Variants in PAK5 observed in about 807,000 individuals in gnomAD.
The protein encoded by PAK5 is p21 (RAC1) activated kinase 5.
A neutral mutation model predicts 65.9 loss-of-function variants in PAK5; 16 were observed. The ratio of observed to expected loss-of-function variants is 0.24; its 90% CI spans 0.16 to 0.37. PAK5 has a LOEUF of 0.37. Among genes scored for constraint, PAK5 ranks in the 10% least tolerant of loss-of-function variants. PAK5 has a pLI of 1.00. For missense variants in PAK5, 785 were observed against 903.9 expected (o/e 0.87, Z 1.69); for synonymous variants, 371 against 354.9 (o/e 1.05, Z -0.51).
intron 2 of PAK5, among the ~76,000 whole-genome samples, chr20:9,683,257 C>T (rs900040160): frequency 2.0e-5 from 3 of 152,188 alleles, no homozygotes; most frequent in Non-Finnish European, 4.4e-5. Flanking sequence ...GCCCCACAGT[C>T]GGTGAATAAT....
intron 7 of PAK5, among the ~76,000 whole-genome samples, chr20:9,557,277 A>T (rs1446837589): frequency 6.6e-6 from 1 of 152,184 alleles, no homozygotes. Context: ...TCATGTGAAT[A>T]GGTTGGATGC....
intron 3 of PAK5, among the ~76,000 whole-genome samples, chr20:9,631,932 A>G (rs994567948): frequency 6.6e-6 from 1 of 152,154 alleles, no homozygotes; most frequent in African/African-American, 2.4e-5. Flanking sequence ...ACACAATAAA[A>G]CACTAAAAAG....
At chr20:9,542,042 T>C (rs570031041) in intron 9 of PAK5, among the ~76,000 whole-genome samples, 1 of 152,344 alleles carries the variant, frequency 6.6e-6, no homozygotes, top group South Asian at 2.1e-4. Flanking sequence ...TATTTCTTTA[T>C]AGTAGTGTAA....
intron 3 of PAK5, among the ~76,000 whole-genome samples, chr20:9,629,198 G>A (rs1000726333): frequency 2.0e-5 from 3 of 152,190 alleles, no homozygotes; most frequent in Non-Finnish European, 4.4e-5. Context: ...CAGTGAAGCT[G>A]TGCCAGACTC....
intron 1 of PAK5, among the ~76,000 whole-genome samples, chr20:9,808,596 A>T (rs1181304688): frequency 1.3e-5 from 2 of 152,226 alleles, no homozygotes; most frequent in Non-Finnish European, 2.9e-5. Context: ...CCTTGAAAAC[A>T]TTATGCTAAG....
At chr20:9,606,290 C>A (rs149467295) in intron 3 of PAK5, among the ~76,000 whole-genome samples, 1 of 152,130 alleles carries the variant, frequency 6.6e-6, no homozygotes, top group Non-Finnish European at 1.5e-5. Context: ...CTGCCTTCCC[C>A]GATGATTGTA....
intron 4 of PAK5, among the ~76,000 whole-genome samples, chr20:9,568,955 G>A (rs1195667855): frequency 6.6e-6 from 1 of 152,208 alleles, no homozygotes; most frequent in African/African-American, 2.4e-5. Context: ...GAGCCATTCT[G>A]GAGGTGGATC....
chr20:9,698,651 T>A (rs187973205), intron 2 of PAK5, among the ~76,000 whole-genome samples: 28 of 152,264 alleles, frequency 1.8e-4, no homozygotes, highest in Admixed American at 1.4e-3. Context: ...CATACCAAAC[T>A]TAAGGAACAG....
intron 7 of PAK5, among the ~76,000 whole-genome samples, chr20:9,553,748 G>A (rs190797123): frequency 3.9e-4 from 60 of 152,054 alleles, no homozygotes; most frequent in Non-Finnish European, 2.5e-4. Flanking sequence ...TTAATCATTC[G>A]CCCTTTGAAG....
At chr20:9,833,522 C>A (rs917878248) in intron 1 of PAK5, among the ~76,000 whole-genome samples, 6 of 151,522 alleles carry the variant, frequency 4.0e-5, no homozygotes, top group African/African-American at 1.5e-4. Context: ...AACTTCCCCC[C>A]ACCTTTACCA....
intron 2 of PAK5, among the ~76,000 whole-genome samples, chr20:9,708,029 T>A (rs1316022137): frequency 2.0e-5 from 3 of 152,228 alleles, no homozygotes; most frequent in Admixed American, 6.5e-5. Context: ...AGCTACAACA[T>A]ACTTCTAGTT....
chr20:9,699,461 G>A lies in PAK5; in HGVS notation c.-12+11825C>T, dbSNP rs184856942. The stretch of plus-strand genomic sequence containing the variant: ...TAGTAGTAGAGAAATAGCCTTGGGT[G>A]TATATTTTCTTCCCCTCAGTCTATT... On this transcript the variant is annotated intron_variant, in intron 2 of 9. Coordinates refer to ENST00000353224, the MANE Select transcript of PAK5 (RefSeq NM_177990.4). Among the ~76,000 whole-genome samples the A allele has an allele frequency of 2.7e-5, 4 of 150,628 alleles. No homozygotes were observed. The East Asian group carries it at 7.8e-4, about 29-fold the overall frequency.
chr20:9,793,271 T>C (rs974021855), intron 1 of PAK5, among the ~76,000 whole-genome samples: 1 of 152,154 alleles, frequency 6.6e-6, no homozygotes, highest in Admixed American at 6.6e-5. Context: ...CACTGTTTCA[T>C]AGCAGAAGTA....
intron 1 of PAK5, among the ~76,000 whole-genome samples, chr20:9,806,300 T>C (rs879610318): frequency 6.6e-6 from 1 of 152,166 alleles, no homozygotes; most frequent in Non-Finnish European, 1.5e-5. Flanking sequence ...GTAGATATGG[T>C]ATTTAATTAT....
intron 2 of PAK5, among the ~76,000 whole-genome samples, chr20:9,661,375 T>C (rs1324835399): frequency 6.6e-6 from 1 of 152,142 alleles, no homozygotes; most frequent in Non-Finnish European, 1.5e-5. Context: ...AGTTCCTTTA[T>C]CTGCCTAAGA....
intron 3 of PAK5, among the ~76,000 whole-genome samples, chr20:9,607,111 A>G (rs1163649724): frequency 6.6e-6 from 1 of 152,230 alleles, no homozygotes; most frequent in African/African-American, 2.4e-5. Flanking sequence ...GAAAAGAGTA[A>G]CGTTGGAGTT....
chr20:9,811,422 T>C (rs1216536145), intron 1 of PAK5, among the ~76,000 whole-genome samples: 7 of 152,134 alleles, frequency 4.6e-5, no homozygotes, highest in Non-Finnish European at 1.5e-5. Context: ...TTTGTTTTGG[T>C]TTTTACTAAT....
At chr20:9,590,850 C>A (rs955895254) in intron 3 of PAK5, among the ~76,000 whole-genome samples, 1 of 152,144 alleles carries the variant, frequency 6.6e-6, no homozygotes, top group African/African-American at 2.4e-5. Flanking sequence ...CGCAAATGAG[C>A]TTTTCTGGAA....
chr20:9,550,296 A>G (rs1246574530), intron 7 of PAK5, among the ~76,000 whole-genome samples: 4 of 152,188 alleles, frequency 2.6e-5, no homozygotes, highest in Non-Finnish European at 5.9e-5. Flanking sequence ...TGTACAGCAG[A>G]GGTGAGCCCC....
Sources: gnomAD v4.1 joint callset for allele counts (sites outside exome capture counted in the v4.1 genomes callset) on GRCh38, gnomAD v4.1.1 for gene constraint, MANE v1.5 for transcripts, NCBI Gene and HGNC (gene_info 2026-07-23, HGNC 2026-07-21) for gene names.